The following PLEKHG1 variants were observed in gnomAD, a reference collection of about 807,000 sequenced individuals.
PLEKHG1 encodes the protein pleckstrin homology domain-containing family G member 1.
A neutral mutation model predicts 100.8 loss-of-function variants in PLEKHG1; 44 were observed. The ratio of observed to expected loss-of-function variants is 0.44; its 90% CI spans 0.34 to 0.56. PLEKHG1 has a LOEUF of 0.56. PLEKHG1 is among the 20% of genes least tolerant of loss of function. The pLI is 0.01. For missense variants in PLEKHG1, 1,545 were observed against 1,720.9 expected (o/e 0.90, Z 1.81); for synonymous variants, 640 against 662.5 (o/e 0.97, Z 0.52).
At chr6:150,768,735 A>G (rs1389392844) in exon 3 of PLEKHG1, 6 of 1,516,464 alleles carry the variant, frequency 4.0e-6, no homozygotes, top group East Asian at 2.3e-5. Context: ...TACCACTTCA[A>G]TAGGTAAGTT....
chr6:150,818,186 A>C, exon 11 of PLEKHG1: 4 of 1,610,320 alleles, frequency 2.5e-6, no homozygotes, highest in Non-Finnish European at 3.4e-6. Context: ...CTTTCAGGCC[A>C]AGCAAGCAAT....
chr6:150,621,947 T>G (rs1777317722), intron 1 of PLEKHG1, among the ~76,000 whole-genome samples: 1 of 152,232 alleles, frequency 6.6e-6, no homozygotes, highest in African/African-American at 2.4e-5. Flanking sequence ...CCAGAACTGT[T>G]GTGTGAGTTG....
At chr6:150,661,596 G>A (rs1252376951) in intron 3 of PLEKHG1, among the ~76,000 whole-genome samples, 1 of 152,186 alleles carries the variant, frequency 6.6e-6, no homozygotes, top group African/African-American at 2.4e-5. Flanking sequence ...TCTTCCCATT[G>A]TTCCTGTAAA....
At chr6:150,820,930 C>T (rs943506338) in intron 12 of PLEKHG1, among the ~76,000 whole-genome samples, 18 of 152,198 alleles carry the variant, frequency 1.2e-4, no homozygotes, top group Non-Finnish European at 2.2e-4. Context: ...GGAAGCTGCT[C>T]TGCTACTGAC....
intron 3 of PLEKHG1, among the ~76,000 whole-genome samples, chr6:150,709,778 T>A (rs1261426284): frequency 2.6e-5 from 4 of 152,214 alleles, no homozygotes; most frequent in Non-Finnish European, 5.9e-5. Context: ...TTGGGGATGG[T>A]GTTTTCGTTT....
At chr6:150,753,517 C>T (rs1233067069) in intron 2 of PLEKHG1, among the ~76,000 whole-genome samples, 3 of 152,048 alleles carry the variant, frequency 2.0e-5, no homozygotes, top group African/African-American at 4.8e-5. Flanking sequence ...CAGCAGCTGC[C>T]GACCATAAAT....
At chr6:150,676,942 T>G (rs181539589) in intron 3 of PLEKHG1, among the ~76,000 whole-genome samples, 155 of 151,896 alleles carry the variant, frequency 1.0e-3, no homozygotes, top group Non-Finnish European at 1.4e-3. Context: ...CCCAGCCCCA[T>G]CCAATCAATT....
chr6:150,760,635 C>CTTTTTTT (rs34394040), intron 2 of PLEKHG1, among the ~76,000 whole-genome samples: 3 of 115,830 alleles, frequency 2.6e-5, no homozygotes, highest in Non-Finnish European at 3.7e-5. Flanking sequence ...AAATGCTTTG[C>CTTTTTTT]TTTTTTTTTT....
At chr6:150,693,445 C>G (rs1328249518) in intron 3 of PLEKHG1, among the ~76,000 whole-genome samples, 2 of 152,208 alleles carry the variant, frequency 1.3e-5, no homozygotes, top group African/African-American at 4.8e-5. Flanking sequence ...TCCACAGCAG[C>G]TTCCTTCTAC....
chr6:150,806,146 A>G (rs965699645), intron 7 of PLEKHG1, among the ~76,000 whole-genome samples: 1 of 148,798 alleles, frequency 6.7e-6, no homozygotes, highest in Non-Finnish European at 1.5e-5. Flanking sequence ...GGTTTCAGGT[A>G]TAGGCAGCCA....
At chr6:150,601,967 G>A (rs1776374962) in intron 1 of PLEKHG1, among the ~76,000 whole-genome samples, 1 of 152,178 alleles carries the variant, frequency 6.6e-6, no homozygotes, top group Non-Finnish European at 1.5e-5. Flanking sequence ...GATTCAGGCT[G>A]TAGTTCAAAG....
chr6:150,664,747 C>A (rs1158184611), intron 3 of PLEKHG1, among the ~76,000 whole-genome samples: 1 of 152,144 alleles, frequency 6.6e-6, no homozygotes, highest in African/African-American at 2.4e-5. Context: ...TAGAATCACT[C>A]AAGCACAAGA....
chr6:150,616,024 G>T (rs1286810360), intron 1 of PLEKHG1, among the ~76,000 whole-genome samples: 1 of 152,160 alleles, frequency 6.6e-6, no homozygotes. Flanking sequence ...AAAAGATGAG[G>T]TAACTTGTCC....
chr6:150,724,784 C>T (rs1781880563), intron 1 of PLEKHG1, among the ~76,000 whole-genome samples: 2 of 152,160 alleles, frequency 1.3e-5, no homozygotes, highest in Non-Finnish European at 2.9e-5. Context: ...TGGTCTCAAA[C>T]TCCTGACCTC....
intron 3 of PLEKHG1, among the ~76,000 whole-genome samples, chr6:150,772,916 C>T (rs1179909316): frequency 6.6e-6 from 1 of 152,132 alleles, no homozygotes; most frequent in Non-Finnish European, 1.5e-5. Flanking sequence ...TGAATTCTGG[C>T]CAGTGATCTT....
At chr6:150,808,226 C>A (rs938716677) in intron 7 of PLEKHG1, among the ~76,000 whole-genome samples, 4 of 151,792 alleles carry the variant, frequency 2.6e-5, no homozygotes, top group Non-Finnish European at 5.9e-5. Flanking sequence ...AAAATTTTAA[C>A]AAAAAAAGCA....
At chr6:150,773,376 G>C (rs1421418002) in intron 3 of PLEKHG1, among the ~76,000 whole-genome samples, 1 of 152,026 alleles carries the variant, frequency 6.6e-6, no homozygotes, top group Non-Finnish European at 1.5e-5. Context: ...TCTATCAAAA[G>C]TACAAAAATT....
At chr6:150,701,456 T>TATAC (rs1304076748) in intron 3 of PLEKHG1, among the ~76,000 whole-genome samples, 1 of 82,060 alleles carries the variant, frequency 1.2e-5, no homozygotes, top group African/African-American at 1.2e-4. Flanking sequence ...TATATATATA[T>TATAC]ATATATATAT....
At position 150,640,194 on chromosome 6, in the gene PLEKHG1, A is replaced by G. The variant is rs551799900; in HGVS notation, c.-158+2069A>G. The stretch of plus-strand genomic sequence containing the variant: ...CTGATTGTTGATGGTGCAGAATGTG[A>G]TATTGACAGACTTTCTATTTTTTTT... On this transcript the variant is annotated intron_variant, in intron 2 of 3. Transcript: ENST00000367326. Among the ~76,000 whole-genome samples the G allele has an allele frequency of 2.0e-5, 3 of 152,342 alleles. No individual in the cohort carries two copies. The South Asian group carries it at 6.2e-4, about 32-fold the overall frequency.
Sources: gnomAD v4.1 joint callset for allele counts (sites outside exome capture counted in the v4.1 genomes callset) on GRCh38, gnomAD v4.1.1 for gene constraint, MANE v1.5 for transcripts, NCBI Gene and HGNC (gene_info 2026-07-23, HGNC 2026-07-21) for gene names.